TMOD2: variants seen among roughly 807,000 people sequenced by gnomAD.
TMOD2 encodes tropomodulin-2.
A neutral mutation model predicts 39.9 loss-of-function variants in TMOD2; 22 were observed. The ratio of observed to expected loss-of-function variants is 0.55; its 90% CI spans 0.39 to 0.79. The LOEUF (loss-of-function observed/expected upper bound fraction) is 0.79, where lower values mean the gene tolerates loss of function less well. TMOD2 is among the 30% of genes least tolerant of loss of function. The probability of loss-of-function intolerance (pLI) is 0.00; values close to 1 mark genes in which losing one functional copy is unlikely to be tolerated. For missense variants in TMOD2, 386 were observed against 413.3 expected (o/e 0.93, Z 0.57); for synonymous variants, 123 against 146.1 (o/e 0.84, Z 1.14).
chr15:51,757,657 C>G (rs1220306363), intron 1 of TMOD2, among the ~76,000 whole-genome samples: 3 of 152,166 alleles, frequency 2.0e-5, no homozygotes. Context: ...ATGGGACAGA[C>G]ACACCACTGG....
chr15:51,798,849 G>A (rs766598478), intron 8 of TMOD2, among the ~76,000 whole-genome samples: 2 of 152,206 alleles, frequency 1.3e-5, no homozygotes, highest in Middle Eastern at 3.2e-3. Context: ...GCTGCAGAGA[G>A]CCTATTTAAA....
At position 51,798,475 on chromosome 15, in the gene TMOD2, T is replaced by C. The variant is rs763385395; in HGVS notation, c.876+135T>C. 3.3e-4 allele frequency: 366 copies of C among 1,117,860 alleles called. 1 individual carries two copies. Among genetic ancestry groups the C allele is most frequent in the Admixed American group, 5.6e-4 (19 of 34,006 alleles). 69.2% of individuals were successfully genotyped at this position (1,117,860 alleles called of 1,614,324 possible). A position where few individuals can be genotyped will look rare whatever the true frequency, so the allele number is the denominator to read the frequency against. On this transcript the variant is annotated intron_variant, in intron 8 of 9. Transcript: ENST00000249700. Reference sequence around the variant, plus strand: ...GATGTACTGGATTTCCTGTAAGTTTTAGAACCATTTCTGGCCCATGGAGGA... The same window carrying C: ...GATGTACTGGATTTCCTGTAAGTTTCAGAACCATTTCTGGCCCATGGAGGA...
chr15:51,778,643 CTTTTTTT>C lies in TMOD2; in HGVS notation c.493+1645_493+1651del, dbSNP rs34790068. ...TTTGAAAACTCATAGAAAATTACAG[CTTTTTTT>C]TTTTTTTTTTTTTTTTTTTCTTGAG... On this transcript the variant is annotated intron_variant, in intron 5 of 9. Coordinates refer to ENST00000249700, the MANE Select transcript of TMOD2 (RefSeq NM_014548.4). Among the ~76,000 whole-genome samples, 9 of 68,370 alleles carry C rather than the reference CTTTTTTT, an allele frequency of 1.3e-4. No individual in the cohort carries two copies. In the East Asian group the frequency reaches 1.5e-3, roughly 12 times the overall value. The allele number at this position is 68,370 out of a possible 152,430, so 44.9% of individuals were successfully genotyped here.
At position 51,757,327 on chromosome 15, in the gene TMOD2, G is replaced by A. The variant is rs552461434; in HGVS notation, c.-70+5615G>A. Among the ~76,000 whole-genome samples the A allele has an allele frequency of 7.4e-5, 11 of 148,420 alleles. No homozygotes were observed. In the East Asian group the frequency reaches 2.0e-3, roughly 27 times the overall value. ...TGAGGCAGGAGAATGGCGTGAACCCGGGAGGCAGAGCTTGCAGTGAACGGA... is the reference window on the plus strand; with the variant it reads ...TGAGGCAGGAGAATGGCGTGAACCCAGGAGGCAGAGCTTGCAGTGAACGGA... On this transcript the variant is annotated intron_variant, in intron 1 of 9. Transcript: ENST00000249700.
At chr15:51,797,635 C>T (rs542376636) in intron 7 of TMOD2, among the ~76,000 whole-genome samples, 13 of 152,274 alleles carry the variant, frequency 8.5e-5, no homozygotes, top group African/African-American at 3.1e-4. Context: ...TGCCCGTGTG[C>T]AGTCCGCTGT....
chr15:51,757,247 C>A (rs1760438855), intron 1 of TMOD2, among the ~76,000 whole-genome samples: 1 of 151,774 alleles, frequency 6.6e-6, no homozygotes, highest in African/African-American at 2.4e-5. Context: ...ACTAAAAATA[C>A]AAAAATTAGC....
intron 7 of TMOD2, among the ~76,000 whole-genome samples, chr15:51,795,571 TTGCTTG>T (rs1567245538): frequency 0.11 from 3,123 of 28,218 alleles, 261 homozygotes; most frequent in African/African-American, 0.29. Context: ...TTCTGCTTGC[TTGCTTG>T]CTTTCTTTCT....
At chr15:51,781,000 T>C (rs753989186) in intron 5 of TMOD2, 44 bp from the exon 6 acceptor site, 1 of 1,535,650 alleles carries the variant, frequency 6.5e-7, no homozygotes, top group Admixed American at 2.2e-5. Flanking sequence ...CTGATTTTGA[T>C]AGGAGAGACT....
intron 3 of TMOD2, among the ~76,000 whole-genome samples, chr15:51,771,316 A>C (rs2055852345): frequency 1.3e-5 from 2 of 152,236 alleles, no homozygotes; most frequent in Admixed American, 1.3e-4. Flanking sequence ...GAGGTCCTCA[A>C]GAGAGGCTGC....
intron 7 of TMOD2, among the ~76,000 whole-genome samples, chr15:51,785,559 ACAAGC>A (rs964820032): frequency 6.6e-5 from 10 of 152,070 alleles, no homozygotes; most frequent in Non-Finnish European, 1.5e-4. Context: ...GTTAAGTGAA[ACAAGC>A]CAAGCAAAAA....
At chr15:51,783,942 C>T (rs2055951325) in intron 7 of TMOD2, 1 of 152,206 alleles carries the variant, frequency 6.6e-6, no homozygotes, top group African/African-American at 2.4e-5. Flanking sequence ...AGTAACTCCT[C>T]CTATTTATAG....
intron 7 of TMOD2, 52 bp downstream of exon 7, chr15:51,782,880 C>A: frequency 6.5e-7 from 1 of 1,526,802 alleles, no homozygotes; most frequent in Non-Finnish European, 9.0e-7. Flanking sequence ...TCACTGGAAA[C>A]TCTATTTACT....
At chr15:51,767,126 A>G (rs1465426201) in intron 2 of TMOD2, 1 of 152,144 alleles carries the variant, frequency 6.6e-6, no homozygotes. Context: ...CCCAGATTCA[A>G]GCGATTCTCC....
At position 51,798,210 on chromosome 15, in the gene TMOD2, T is replaced by G. The variant is rs1335171464; in HGVS notation, c.746T>G (p.Met249Arg). The G allele has an allele frequency of 1.2e-6, 2 of 1,603,528 alleles. No individual in the cohort carries two copies. The highest frequency in any genetic ancestry group is 2.7e-5 in the African/African-American group (2 of 74,140). ...NDPVAIAFAD[M>R]LKVNKTLTSL... ...TTGCATCATAAGGCTTTTGCAGACATGCTGAAAGTAAACAAGACCTTGACA... is the reference window on the plus strand; with the variant it reads ...TTGCATCATAAGGCTTTTGCAGACAGGCTGAAAGTAAACAAGACCTTGACA... The change falls in exon 8 of 10, where the codon ATG (methionine) becomes AGG (arginine). Residue 249 changes from methionine to arginine, a missense_variant. Physicochemically the swap from Met to Arg is moderately conservative, Grantham distance 91. Coordinates refer to ENST00000249700, the MANE Select transcript of TMOD2 (RefSeq NM_014548.4).
chr15:51,814,257 G>A lies in TMOD2; in HGVS notation c.*5803G>A, dbSNP rs2056175203. 6.6e-6 allele frequency: 1 copy of A among 152,254 alleles called. No individual in the cohort carries two copies. Among genetic ancestry groups the A allele is most frequent in the Non-Finnish European group, 1.5e-5 (1 of 68,096 alleles). 9.4% of individuals were successfully genotyped at this position (152,254 alleles called of 1,614,324 possible). On this transcript the variant is annotated 3_prime_UTR_variant, in exon 10 of 10. Coordinates refer to ENST00000249700, the MANE Select transcript of TMOD2 (RefSeq NM_014548.4). ...TTGACTGGAGGCCTAGGAGAGAAGA[G>A]TGTCCTTAGGGTTTCAAGAATTTTA...
chr15:51,764,085 TAAA>T (rs34484778), intron 1 of TMOD2, among the ~76,000 whole-genome samples: 1 of 148,174 alleles, frequency 6.7e-6, no homozygotes, highest in Non-Finnish European at 1.5e-5. Context: ...ATTAAAGATT[TAAA>T]AAAAAAAAAG....
chr15:51,766,226 C>T (rs1183542294), intron 1 of TMOD2, 147 bp from the exon 2 acceptor site: 5 of 393,996 alleles, frequency 1.3e-5, no homozygotes, highest in Non-Finnish European at 2.3e-5. Context: ...TGTCAGGTTG[C>T]TCTGCAAATG....
chr15:51,798,222 A>G lies in TMOD2; in HGVS notation c.758A>G (p.Asn253Ser). 1 of 1,610,640 alleles carries G rather than the reference A, an allele frequency of 6.2e-7. No individual in the cohort carries two copies. Among genetic ancestry groups the G allele is most frequent in the Non-Finnish European group, 8.5e-7 (1 of 1,179,084 alleles). The change falls in exon 8 of 10, where the codon AAC (asparagine) becomes AGC (serine). Residue 253 changes from asparagine (N) to serine (S), a missense_variant. Transcript: ENST00000249700. ...GCTTTTGCAGACATGCTGAAAGTAA[A>G]CAAGACCTTGACAAGTCTAAACATA... Reference protein sequence around the residue: ...AIAFADMLKVNKTLTSLNIES... With the variant: ...AIAFADMLKVSKTLTSLNIES...
At chr15:51,801,892 G>A (rs2056092761) in intron 8 of TMOD2, among the ~76,000 whole-genome samples, 1 of 151,568 alleles carries the variant, frequency 6.6e-6, no homozygotes, top group Admixed American at 6.6e-5. Context: ...AGGAGTTCGA[G>A]TCCAGCCTGG....
Sources: allele counts gnomAD v4.1 joint callset (sites outside exome capture counted in the v4.1 genomes callset), GRCh38; gene constraint gnomAD v4.1.1; transcripts MANE v1.5; gene names NCBI Gene and HGNC (gene_info 2026-07-23, HGNC 2026-07-21).